HCRTR1: variants seen among roughly 807,000 people sequenced by gnomAD.
HCRTR1 encodes the protein hypocretin receptor 1.
A neutral mutation model predicts 40.6 loss-of-function variants in HCRTR1; 28 were observed. The observed-to-expected ratio is 0.69, with a 90% CI of 0.51 to 0.95. HCRTR1 has a LOEUF of 0.95. Ranked by LOEUF, HCRTR1 falls within the 40% of genes least tolerant of loss-of-function variation. The pLI, the probability that HCRTR1 is intolerant of heterozygous loss-of-function variation, is 0.00. For missense variants in HCRTR1, 482 were observed against 564.7 expected (o/e 0.85, Z 1.48); for synonymous variants, 209 against 230.0 (o/e 0.91, Z 0.83).
chr1:31,630,364 T>C, downstream of HCRTR1: 1 of 519,322 alleles, frequency 1.9e-6, no homozygotes, highest in East Asian at 3.5e-5. Flanking sequence ...CAACTGCTCA[T>C]GGCCATCAGG....
rs1203445847 is a variant in HCRTR1 at position 31,625,260 on chromosome 1, G to T, written c.1087+142G>T. 5 of 1,079,190 alleles carry T rather than the reference G, an allele frequency of 4.6e-6. No individual in the cohort carries two copies. The East Asian group carries it at 1.4e-4, about 31-fold the overall frequency. 66.9% of individuals were successfully genotyped at this position (1,079,190 alleles called of 1,614,324 possible). A position where few individuals can be genotyped will look rare whatever the true frequency, so the allele number is the denominator to read the frequency against. ...GGGCACAGTGATCCTGCTCTGGGAG[G>T]ACCCACCCCAAGCGGCCCTGGCCTG... is the stretch of plus-strand genomic sequence containing the variant. On this transcript the variant is annotated intron_variant, in intron 8 of 8. Coordinates refer to ENST00000403528, the MANE Select transcript of HCRTR1 (RefSeq NM_001525.3). The surrounding 1 kb of genome is among the most constrained non-coding windows in gnomAD (Gnocchi z 4.2).
chr1:31,622,979 C>A (rs1475754322), intron 6 of HCRTR1, among the ~76,000 whole-genome samples: 2 of 152,130 alleles, frequency 1.3e-5, no homozygotes, highest in Non-Finnish European at 2.9e-5. Context: ...ACCTAAGGAC[C>A]AATAATATCT....
Position 31,623,564 on chromosome 1 carries a change from C to G in HCRTR1, c.780C>G (p.Arg260=), listed in dbSNP as rs76500934. 1.2e-6 allele frequency: 2 copies of G among 1,613,484 alleles called. No individual in the cohort carries two copies. Among genetic ancestry groups the G allele is most frequent in the Non-Finnish European group, 1.7e-6 (2 of 1,179,990 alleles). The change falls in exon 7 of 9, where the codon CGC becomes CGG. Residue 260 remains arginine, a synonymous_variant. Transcript: ENST00000403528. ...TTSALVRNWK[R]PSDQLGDLEQ... ...CAGCACTGGTGCGGAACTGGAAGCGCCCCTCAGACCAGCTGGGGGACCTGG... is the reference window on the plus strand; with the variant it reads ...CAGCACTGGTGCGGAACTGGAAGCGGCCCTCAGACCAGCTGGGGGACCTGG...
chr1:31,617,697 C>A lies in HCRTR1; in HGVS notation c.-388C>A, dbSNP rs1557574625. Reference sequence around the variant, plus strand: ...GGAGCCCGCGCCGAGCCACAGCCCGCGCAGTTGCCGCGGATCGTGCTGAGC... The same window carrying A: ...GGAGCCCGCGCCGAGCCACAGCCCGAGCAGTTGCCGCGGATCGTGCTGAGC... On this transcript the variant is annotated 5_prime_UTR_variant, in exon 1 of 9. Coordinates refer to ENST00000403528, the MANE Select transcript of HCRTR1 (RefSeq NM_001525.3). 1 of 151,924 alleles carries A rather than the reference C, an allele frequency of 6.6e-6. No homozygotes were observed. The highest frequency in any genetic ancestry group is 1.5e-5 in the Non-Finnish European group (1 of 67,970). 9.4% of individuals were successfully genotyped at this position (151,924 alleles called of 1,614,324 possible).
Position 31,627,218 on chromosome 1 carries a change from T to G in HCRTR1, c.*238T>G. ...TGTGAAGTGTTGTGGACATGATTATTGTTGTACTTCTCTCATTTGGCCATA... is the reference window on the plus strand; with the variant it reads ...TGTGAAGTGTTGTGGACATGATTATGGTTGTACTTCTCTCATTTGGCCATA... On this transcript the variant is annotated 3_prime_UTR_variant, in exon 9 of 9. Transcript: ENST00000403528. 6.7e-7 allele frequency: 1 copy of G among 1,500,390 alleles called. No individual in the cohort carries two copies. The highest frequency in any genetic ancestry group is 8.9e-7 in the Non-Finnish European group (1 of 1,124,174). The allele number at this position is 1,500,390 out of a possible 1,614,324, so 92.9% of individuals were successfully genotyped here. A position where few individuals can be genotyped will look rare whatever the true frequency, so the allele number is the denominator to read the frequency against.
intron 5 of HCRTR1, 132 bp downstream of exon 5, chr1:31,621,218 C>A (rs1160465771): frequency 7.9e-7 from 1 of 1,258,182 alleles, no homozygotes; most frequent in Non-Finnish European, 1.1e-6. Context: ...TAGGGGACAC[C>A]CTAGACTGGC....
chr1:31,628,259 A>G (rs1640017880), downstream of HCRTR1, among the ~76,000 whole-genome samples: 1 of 152,234 alleles, frequency 6.6e-6, no homozygotes, highest in Non-Finnish European at 1.5e-5. Context: ...GGCCCAGCCC[A>G]GGAGTGTTGA....
downstream of HCRTR1, among the ~76,000 whole-genome samples, chr1:31,633,611 G>A (rs952579190): frequency 6.6e-6 from 1 of 152,160 alleles, no homozygotes; most frequent in Non-Finnish European, 1.5e-5. Flanking sequence ...AGCATTTCAA[G>A]AATTCTCTGG....
chr1:31,624,163 TA>T (rs1639923234), intron 7 of HCRTR1, among the ~76,000 whole-genome samples: 1 of 151,972 alleles, frequency 6.6e-6, no homozygotes, highest in Non-Finnish European at 1.5e-5. Flanking sequence ...TACAATGGTT[TA>T]AAAAAAGCAG....
chr1:31,621,282 C>G (rs1380509311), intron 5 of HCRTR1, among the ~76,000 whole-genome samples, 195 bp from the exon 6 acceptor site: 1 of 152,174 alleles, frequency 6.6e-6, no homozygotes, highest in Non-Finnish European at 1.5e-5. Context: ...GACATCTGCT[C>G]TAGTGTAGAT....
downstream of HCRTR1, among the ~76,000 whole-genome samples, chr1:31,631,967 C>A (rs967592978): frequency 2.6e-5 from 4 of 152,218 alleles, no homozygotes; most frequent in African/African-American, 9.6e-5. Context: ...CAAACTGTGG[C>A]CTTCTGCCTT....
At chr1:31,623,880 T>A in intron 7 of HCRTR1, 131 bp downstream of exon 7, 1 of 649,494 alleles carries the variant, frequency 1.5e-6, no homozygotes, top group Non-Finnish European at 2.7e-6. Flanking sequence ...TTCTCTTCTC[T>A]GAGCCTCCAT....
chr1:31,623,536 C>T lies in HCRTR1; in HGVS notation c.752C>T (p.Thr251Ile), dbSNP rs1204720614. The T allele has an allele frequency of 1.2e-6, 2 of 1,612,902 alleles. No individual in the cohort carries two copies. Among genetic ancestry groups the T allele is most frequent in the Non-Finnish European group, 1.7e-6 (2 of 1,179,736 alleles). ...KLWGRQIPGT[T>I]SALVRNWKRP... ...TGTGCTGGACAGATCCCCGGCACCA[C>T]CTCAGCACTGGTGCGGAACTGGAAG... is the stretch of plus-strand genomic sequence containing the variant. The change falls in exon 7 of 9, where the codon ACC becomes ATC. Residue 251 changes from threonine to isoleucine, a missense_variant. Thr to Ile is a moderately conservative substitution (Grantham distance 89, BLOSUM62 -1). Transcript: ENST00000403528.
downstream of HCRTR1, chr1:31,627,695 A>C: frequency 3.5e-6 from 1 of 283,206 alleles, no homozygotes; most frequent in East Asian, 9.6e-5. Flanking sequence ...GGGGGAGGGA[A>C]GACAAGAAGG....
Position 31,627,355 on chromosome 1 carries a change from C to T in HCRTR1, c.*375C>T, listed in dbSNP as rs1325906479. Reference sequence around the variant, plus strand: ...CTGGAGTCTGCTCTAAAGGTCCCAACAGGCATTTCCATCTTGTTCCATGGC... The same window carrying T: ...CTGGAGTCTGCTCTAAAGGTCCCAATAGGCATTTCCATCTTGTTCCATGGC... On this transcript the variant is annotated 3_prime_UTR_variant, in exon 9 of 9. Transcript: ENST00000403528. The T allele has an allele frequency of 1.5e-6, 2 of 1,302,672 alleles. No homozygotes were observed. The highest frequency in any genetic ancestry group is 2.0e-6 in the Non-Finnish European group (2 of 997,498). 80.7% of individuals were successfully genotyped at this position (1,302,672 alleles called of 1,614,324 possible). A position where few individuals can be genotyped will look rare whatever the true frequency, so the allele number is the denominator to read the frequency against.
In HCRTR1 at chr1:31,626,853, G is replaced by T; in HGVS notation, c.1151G>T (p.Gly384Val). 1 of 1,614,052 alleles carries T rather than the reference G, an allele frequency of 6.2e-7. No individual in the cohort carries two copies. Among genetic ancestry groups the T allele is most frequent in the Non-Finnish European group, 8.5e-7 (1 of 1,180,010 alleles). The change falls in exon 9 of 9, where the codon GGC becomes GTC. Residue 384 changes from glycine (G) to valine (V), a missense_variant. Transcript: ENST00000403528. This position sits in a 1 kb window ranked among gnomAD's most constrained non-coding sequence, Gnocchi z 4.6. Reference sequence around the variant, plus strand: ...TGCCTGCCTGGCCTGGGTCCCTGCGGCTCTCTGAAGGCCCCTAGTCCCCGC... The same window carrying T: ...TGCCTGCCTGGCCTGGGTCCCTGCGTCTCTCTGAAGGCCCCTAGTCCCCGC... ...SCCLPGLGPC[G>V]SLKAPSPRSS...
At position 31,626,981 on chromosome 1, in the gene HCRTR1, G is replaced by A. The variant is rs201251757; in HGVS notation, c.*1G>A. On this transcript the variant is annotated 3_prime_UTR_variant, in exon 9 of 9. Coordinates refer to ENST00000403528, the MANE Select transcript of HCRTR1 (RefSeq NM_001525.3). This position sits in a 1 kb window ranked among gnomAD's most constrained non-coding sequence, Gnocchi z 4.6. ...CAGCGTCACCACAGTGCTGCCCTGA[G>A]CGAGGGCTGCCCTGGAGGCTCCGGC... The A allele has an allele frequency of 6.2e-7, 1 of 1,609,894 alleles. No individual in the cohort carries two copies. The highest frequency in any genetic ancestry group is 8.5e-7 in the Non-Finnish European group (1 of 1,178,972).
rs200964238 is a variant in HCRTR1 at position 31,619,316 on chromosome 1, C to G, written c.124C>G (p.Pro42Ala). 520 of 1,614,220 alleles carry G rather than the reference C, an allele frequency of 3.2e-4. No homozygotes were observed. The highest frequency in any genetic ancestry group is 4.3e-4 in the Non-Finnish European group (506 of 1,180,036). ...CTATCTGTGGCGCGATTATCTGTAC[C>G]CAAAACAGTATGAGTGGGTCCTCAT... is the stretch of plus-strand genomic sequence containing the variant. The part of the protein sequence containing the change: ...LRYLWRDYLY[P>A]KQYEWVLIAA... Residue 42 changes from proline to alanine, a missense_variant, in exon 3 of 9, where the codon CCA becomes GCA. By Grantham distance (27) the Pro-to-Ala change is conservative (BLOSUM62 -1). Transcript: ENST00000403528.
chr1:31,634,085 A>G (rs1640192093), downstream of HCRTR1, among the ~76,000 whole-genome samples: 1 of 152,214 alleles, frequency 6.6e-6, no homozygotes, highest in South Asian at 2.1e-4. Flanking sequence ...GCAGTTGTGG[A>G]GGACAGAAAC....
Sources: allele counts gnomAD v4.1 joint callset (sites outside exome capture counted in the v4.1 genomes callset), GRCh38; gene constraint gnomAD v4.1.1; non-coding constraint Gnocchi (gnomAD v3.1); transcripts MANE v1.5; gene names NCBI Gene and HGNC (gene_info 2026-07-23, HGNC 2026-07-21).